NRXN3: variants seen among roughly 807,000 people sequenced by gnomAD.
NRXN3 encodes the protein neurexin III.
A neutral mutation model predicts 137.6 loss-of-function variants in NRXN3; 32 were observed. That is an observed-to-expected ratio of 0.23 (90% CI 0.18 to 0.31). The LOEUF is 0.31. Ranked by LOEUF, NRXN3 falls within the 10% of genes least tolerant of loss-of-function variation. NRXN3 has a pLI of 1.00. For missense variants in NRXN3, 1,574 were observed against 2,062.5 expected (o/e 0.76, Z 4.59); for synonymous variants, 798 against 784.5 (o/e 1.02, Z -0.29).
At chr14:78,788,114 C>T (rs1326629648) in intron 8 of NRXN3, among the ~76,000 whole-genome samples, 17 of 152,126 alleles carry the variant, frequency 1.1e-4, no homozygotes, top group South Asian at 2.1e-4. Flanking sequence ...GTTGCATGCC[C>T]GTGAGTAGTG....
chr14:79,618,023 T>C (rs1403429458), intron 16 of NRXN3, among the ~76,000 whole-genome samples: 2 of 151,898 alleles, frequency 1.3e-5, no homozygotes, highest in Admixed American at 6.6e-5. Flanking sequence ...CTTCTACTGA[T>C]TGAAGTTTTT....
rs867637648 is a variant in NRXN3, at chr14:79,162,722, G to T, written c.3262+174581G>T. On this transcript the variant is annotated intron_variant, in intron 15 of 20. Transcript: ENST00000335750. Reference sequence around the variant, plus strand: ...CAACAGGTGCTGGAGAAGATGTGGAGAAATAGTTTACTTATTTTTTAAGGC... The same window carrying T: ...CAACAGGTGCTGGAGAAGATGTGGATAAATAGTTTACTTATTTTTTAAGGC... Among the ~76,000 whole-genome samples, 20 of 152,056 alleles carry T rather than the reference G, an allele frequency of 1.3e-4. No individual in the cohort carries two copies. In the Middle Eastern group the frequency reaches 0.024, roughly 181 times the overall value.
At chr14:79,612,453 A>G (rs2098114576) in intron 16 of NRXN3, among the ~76,000 whole-genome samples, 1 of 152,206 alleles carries the variant, frequency 6.6e-6, no homozygotes, top group Non-Finnish European at 1.5e-5. Flanking sequence ...AAGGACAGCC[A>G]GCCAAAGGGT....
intron 14 of NRXN3, among the ~76,000 whole-genome samples, chr14:78,970,354 A>G (rs1567858393): frequency 6.6e-6 from 1 of 152,208 alleles, no homozygotes; most frequent in Non-Finnish European, 1.5e-5. Context: ...TATACCCAAA[A>G]TATTATTTCA....
rs2067281643 is a variant in NRXN3 at position 78,243,602 on chromosome 14, C to T, written c.509C>T (p.Pro170Leu). ...ACCCTTGATGGAGTTCAGGCCATGC[C>T]CGGCTTCAAGGGGTTAATTCTGGAT... Reference protein sequence around the residue: ...ALTLDGVQAMPGFKGLILDLK... With the variant: ...ALTLDGVQAMLGFKGLILDLK... Residue 170 changes from proline (P) to leucine (L), a missense_variant, in exon 2 of 21, where the codon CCC becomes CTC. Around this residue, in one of 5 missense-constraint regions of NRXN3, gnomAD observed 400 missense variants for 527.3 expected, o/e 0.76. Coordinates refer to ENST00000335750, the MANE Select transcript of NRXN3 (RefSeq NM_001330195.2). This position sits in a 1 kb window ranked among gnomAD's most constrained non-coding sequence, Gnocchi z 4.2. The T allele has an allele frequency of 3.1e-6, 5 of 1,598,408 alleles. No homozygotes were observed. The highest frequency in any genetic ancestry group is 4.2e-6 in the Non-Finnish European group (5 of 1,179,818).
intron 15 of NRXN3, among the ~76,000 whole-genome samples, chr14:79,175,935 CTG>C (rs1247083723): frequency 6.6e-6 from 1 of 152,200 alleles, no homozygotes; most frequent in Non-Finnish European, 1.5e-5. Flanking sequence ...ATGCACGACT[CTG>C]TAGTAGCGCT....
At chr14:79,393,623 G>A (rs1182249178) in intron 15 of NRXN3, among the ~76,000 whole-genome samples, 2 of 152,140 alleles carry the variant, frequency 1.3e-5, no homozygotes, top group Non-Finnish European at 2.9e-5. Flanking sequence ...GACCATCCTG[G>A]CTAACACGGT....
At chr14:78,738,359 C>T (rs1004995531) in intron 8 of NRXN3, among the ~76,000 whole-genome samples, 6 of 152,208 alleles carry the variant, frequency 3.9e-5, no homozygotes, top group Non-Finnish European at 5.9e-5. Context: ...TGTCAGCTCA[C>T]CCGTTCGAGG....
At chr14:79,751,928 G>A (rs1308870943) in intron 19 of NRXN3, among the ~76,000 whole-genome samples, 8 of 152,110 alleles carry the variant, frequency 5.3e-5, no homozygotes, top group South Asian at 2.1e-4. Flanking sequence ...AAGCCCACTC[G>A]ATCATGGTGG....
At chr14:79,712,982 A>C (rs1313463992) in intron 19 of NRXN3, among the ~76,000 whole-genome samples, 1 of 152,164 alleles carries the variant, frequency 6.6e-6, no homozygotes, top group East Asian at 1.9e-4. Context: ...GACATTGCTC[A>C]TCTGAAGAAT....
chr14:79,454,445 A>G (rs2096229869), intron 15 of NRXN3, among the ~76,000 whole-genome samples: 1 of 151,890 alleles, frequency 6.6e-6, no homozygotes, highest in South Asian at 2.1e-4. Flanking sequence ...CGAACTCCCA[A>G]CCTCAGGTGA....
At chr14:79,773,679 G>T (rs2099087142) in intron 19 of NRXN3, among the ~76,000 whole-genome samples, 1 of 151,424 alleles carries the variant, frequency 6.6e-6, no homozygotes, top group South Asian at 2.1e-4. Flanking sequence ...CCTAATGCTA[G>T]ACGATGAGTT....
In NRXN3 at chr14:78,557,690, C is replaced by G. The variant is rs1264107406; in HGVS notation, c.758-87430C>G. ...GTAAGAAGAGTTTATGTATATTTCA[C>G]CTGTGTGAGTACAAGGCCCAACTTC... On this transcript the variant is annotated intron_variant, in intron 4 of 20. Transcript: ENST00000335750. Among the ~76,000 whole-genome samples the G allele has an allele frequency of 4.6e-5, 7 of 152,176 alleles. No individual in the cohort carries two copies. In the East Asian group the frequency reaches 1.2e-3, roughly 25 times the overall value.
chr14:79,306,172 A>G (rs1008528320), intron 15 of NRXN3, among the ~76,000 whole-genome samples: 14 of 152,084 alleles, frequency 9.2e-5, no homozygotes, highest in African/African-American at 3.1e-4. Context: ...AATCCTTTCC[A>G]GAGTGATAAA....
chr14:78,336,618 T>G (rs906679644), intron 4 of NRXN3, among the ~76,000 whole-genome samples: 2 of 152,134 alleles, frequency 1.3e-5, no homozygotes, highest in African/African-American at 2.4e-5. Flanking sequence ...GTGGACATCC[T>G]CTGCTCATTG....
intron 10 of NRXN3, among the ~76,000 whole-genome samples, chr14:78,824,473 C>G (rs1166162165): frequency 6.6e-6 from 1 of 152,134 alleles, no homozygotes; most frequent in East Asian, 1.9e-4. Context: ...TTAGTGAACA[C>G]TTATTGAATT....
chr14:78,936,628 A>G (rs1353125839), intron 10 of NRXN3, among the ~76,000 whole-genome samples: 1 of 152,196 alleles, frequency 6.6e-6, no homozygotes, highest in Non-Finnish European at 1.5e-5. Context: ...GTCTACTCAT[A>G]TATCAAAACT....
chr14:78,669,222 T>A (rs2097913879), intron 6 of NRXN3, among the ~76,000 whole-genome samples: 1 of 152,034 alleles, frequency 6.6e-6, no homozygotes, highest in Admixed American at 6.6e-5. Flanking sequence ...ATGATAAGCA[T>A]AGAGAACTAA....
At chr14:79,668,651 T>G (rs111573547) in intron 17 of NRXN3, among the ~76,000 whole-genome samples, 11 of 152,240 alleles carry the variant, frequency 7.2e-5, no homozygotes, top group African/African-American at 2.4e-4. Flanking sequence ...TAGTAAGGTT[T>G]TTCAACCTAT....
Sources: gnomAD v4.1 joint callset for allele counts (sites outside exome capture counted in the v4.1 genomes callset) on GRCh38, gnomAD v4.1.1 for gene constraint, gnomAD v4.1.1 regional missense constraint, Gnocchi (gnomAD v3.1) non-coding constraint, MANE v1.5 for transcripts, NCBI Gene and HGNC (gene_info 2026-07-23, HGNC 2026-07-21) for gene names.